Variants in KCNQ1 observed in about 807,000 individuals in gnomAD.
The protein encoded by KCNQ1 is potassium voltage-gated channel subfamily Q member 1, also known as potassium voltage-gated channel subfamily KQT member 1.
In KCNQ1, 49 loss-of-function variants were observed where a neutral mutation model predicts 72.4. The observed-to-expected ratio is 0.68, with a 90% CI of 0.54 to 0.86. The LOEUF (loss-of-function observed/expected upper bound fraction) is 0.86. Ranked by LOEUF, KCNQ1 falls within the 40% of genes least tolerant of loss-of-function variation. The pLI is 0.00. For synonymous variants in KCNQ1, 450 were observed against 412.6 expected (o/e 1.09, Z -1.10); for missense variants, 790 against 945.1 (o/e 0.84, Z 2.15).
Position 2,782,343 on chromosome 11 carries a change from A to G in KCNQ1, c.1794+4306A>G, listed in dbSNP as rs1458136915. Among the ~76,000 whole-genome samples the G allele has an allele frequency of 6.6e-6, 1 of 152,186 alleles. No homozygotes were observed. The highest frequency in any genetic ancestry group is 1.5e-5 in the Non-Finnish European group (1 of 68,032). On this transcript the variant is annotated intron_variant, in intron 15 of 15. Transcript: ENST00000155840. The surrounding 1 kb of genome is among the most constrained non-coding windows in gnomAD (Gnocchi z 6.1). Reference sequence around the variant, plus strand: ...AACACTGCTGAAATCTCACTTACTAATATTTAATATATCAGAATTTTTGTG... The same window carrying G: ...AACACTGCTGAAATCTCACTTACTAGTATTTAATATATCAGAATTTTTGTG...
Position 2,621,029 on chromosome 11 carries a change from G to C in KCNQ1, c.1393+32175G>C, listed in dbSNP as rs774281702. The C allele has an allele frequency of 2.5e-6, 1 of 397,118 alleles. No individual in the cohort carries two copies. Among genetic ancestry groups the C allele is most frequent in the Non-Finnish European group, 4.4e-6 (1 of 225,842 alleles). The allele number at this position is 397,118 out of a possible 1,614,324, so 24.6% of individuals were successfully genotyped here. A position where few individuals can be genotyped will look rare whatever the true frequency, so the allele number is the denominator to read the frequency against. ...GTCTTGCTCTGTCTCCCAGGCTGGA[G>C]TGCAGTGGCGCAATCTCGGCTCACT... is the stretch of plus-strand genomic sequence containing the variant. On this transcript the variant is annotated intron_variant, in intron 10 of 15. Transcript: ENST00000155840. The surrounding 1 kb of genome is among the most constrained non-coding windows in gnomAD (Gnocchi z 5.7).
In KCNQ1 at chr11:2,674,831, TTAAA is replaced by T; in HGVS notation, c.1514+12751_1514+12754del. ...GGCTTGTCACCCTAATAGCTGTTTTTTAAAAAAAAAAAAAAAAAAAAAAAAAAAA... is the reference window on the plus strand; with the variant it reads ...GGCTTGTCACCCTAATAGCTGTTTTTAAAAAAAAAAAAAAAAAAAAAAAAA... On this transcript the variant is annotated intron_variant, in intron 11 of 15. Coordinates refer to ENST00000155840, the MANE Select transcript of KCNQ1 (RefSeq NM_000218.3). The surrounding 1 kb of genome is among the most constrained non-coding windows in gnomAD (Gnocchi z 5.9). The T allele has an allele frequency of 5.1e-4, 187 of 366,774 alleles. No homozygotes were observed. The highest frequency in any genetic ancestry group is 3.1e-3 in the East Asian group (82 of 26,216). The allele number at this position is 366,774 out of a possible 1,614,324, so 22.7% of individuals were successfully genotyped here.
intron 10 of KCNQ1, chr11:2,636,547 G>C (rs1364620474): frequency 6.6e-6 from 1 of 152,136 alleles, no homozygotes; most frequent in Non-Finnish European, 1.5e-5. Flanking sequence ...ACTTGATCAT[G>C]GTGGATAAGC....
At chr11:2,702,710 C>T (rs1850837728) in intron 11 of KCNQ1, among the ~76,000 whole-genome samples, 2 of 152,186 alleles carry the variant, frequency 1.3e-5, no homozygotes, top group South Asian at 4.1e-4. Flanking sequence ...AAATTCCCCG[C>T]CTGTGATATT....
rs1258949568 is a variant in KCNQ1, at chr11:2,827,709, G to T, written c.1795-20058G>T. On this transcript the variant is annotated intron_variant, in intron 15 of 15. Transcript: ENST00000155840. The surrounding 1 kb of genome is among the most constrained non-coding windows in gnomAD (Gnocchi z 6.7). Reference sequence around the variant, plus strand: ...TGCCAGAGGGAAAATTCCACATGTGGCTTGGAGGCCAGACCAGAAGGACTC... The same window carrying T: ...TGCCAGAGGGAAAATTCCACATGTGTCTTGGAGGCCAGACCAGAAGGACTC... Among the ~76,000 whole-genome samples, 1 of 152,186 alleles carries T rather than the reference G, an allele frequency of 6.6e-6. No homozygotes were observed. Among genetic ancestry groups the T allele is most frequent in the Non-Finnish European group, 1.5e-5 (1 of 68,024 alleles).
intron 7 of KCNQ1, 63 bp downstream of exon 7, chr11:2,583,608 C>A: frequency 9.0e-7 from 1 of 1,110,902 alleles, no homozygotes; most frequent in Non-Finnish European, 1.4e-6. Flanking sequence ...GGGGTGGCTG[C>A]ACGCCCCTCC....
intron 15 of KCNQ1, chr11:2,840,124 T>TAAAC (rs3987738): frequency 6.6e-6 from 1 of 151,668 alleles, no homozygotes; most frequent in African/African-American, 2.4e-5. Context: ...ACCAATAACA[T>TAAAC]AAACAATCAA....
At position 2,475,397 on chromosome 11, in the gene KCNQ1, A is replaced by G. The variant is rs1188107817; in HGVS notation, c.386+29913A>G. Among the ~76,000 whole-genome samples, 2 of 152,206 alleles carry G rather than the reference A, an allele frequency of 1.3e-5. No homozygotes were observed. Among genetic ancestry groups the G allele is most frequent in the Non-Finnish European group, 2.9e-5 (2 of 68,036 alleles). ...GTCTCTGCCTTTGGCTGTTGTGGCT[A>G]GAGGCTCCTTCCTGAAAGCCTGATA... On this transcript the variant is annotated intron_variant, in intron 1 of 15. Transcript: ENST00000155840. This position sits in a 1 kb window ranked among gnomAD's most constrained non-coding sequence, Gnocchi z 5.8.
chr11:2,472,711 C>T (rs1246919072), intron 1 of KCNQ1, among the ~76,000 whole-genome samples: 1 of 152,066 alleles, frequency 6.6e-6, no homozygotes, highest in African/African-American at 2.4e-5. Context: ...CCTGCTATGA[C>T]CTCAGTCAGC....
At chr11:2,572,690 G>A (rs1681694791) in intron 5 of KCNQ1, among the ~76,000 whole-genome samples, 156 bp from the exon 6 acceptor site, 1 of 152,262 alleles carries the variant, frequency 6.6e-6, no homozygotes, top group African/African-American at 2.4e-5. Context: ...GAGTTGTGAG[G>A]AGTGGGCTAT....
chr11:2,826,014 C>T lies in KCNQ1; in HGVS notation c.1795-21753C>T, dbSNP rs1271810564. 1.3e-5 allele frequency among the ~76,000 whole-genome samples: 2 copies of T among 152,194 alleles called. No homozygotes were observed. The highest frequency in any genetic ancestry group is 4.1e-4 in the South Asian group (2 of 4,828). Reference sequence around the variant, plus strand: ...CCTCTCCCCGAGGCCTCGTCCTCCCCGCCATCCTGGAAACGATTTTGTTGT... The same window carrying T: ...CCTCTCCCCGAGGCCTCGTCCTCCCTGCCATCCTGGAAACGATTTTGTTGT... On this transcript the variant is annotated intron_variant, in intron 15 of 15. Transcript: ENST00000155840. This position sits in a 1 kb window ranked among gnomAD's most constrained non-coding sequence, Gnocchi z 4.2.
Position 2,769,439 on chromosome 11 carries a change from C to T in KCNQ1, c.1590+520C>T, listed in dbSNP as rs897701296. 6.6e-6 allele frequency among the ~76,000 whole-genome samples: 1 copy of T among 152,128 alleles called. No individual in the cohort carries two copies. Among genetic ancestry groups the T allele is most frequent in the African/African-American group, 2.4e-5 (1 of 41,434 alleles). ...GCCCTGCTCTGTAAGAGGTGGGGTC[C>T]CCTTGGCCAGGTGAGGCTGGAGCTC... On this transcript the variant is annotated intron_variant, in intron 12 of 15. Coordinates refer to ENST00000155840, the MANE Select transcript of KCNQ1 (RefSeq NM_000218.3). The surrounding 1 kb of genome is among the most constrained non-coding windows in gnomAD (Gnocchi z 4.6).
chr11:2,821,837 C>T (rs1027820584), intron 15 of KCNQ1, among the ~76,000 whole-genome samples: 2 of 152,188 alleles, frequency 1.3e-5, no homozygotes, highest in South Asian at 2.1e-4. Flanking sequence ...GCTCTGCACA[C>T]CCCCACCCCA....
chr11:2,836,064 C>T (rs2134075448), intron 15 of KCNQ1, among the ~76,000 whole-genome samples: 1 of 151,708 alleles, frequency 6.6e-6, no homozygotes, highest in Admixed American at 6.6e-5. Context: ...CATGGGGTGC[C>T]CCGTGGCGTG....
At chr11:2,574,044 CGTTTATATATGCA>C (rs2133734953) in intron 6 of KCNQ1, among the ~76,000 whole-genome samples, 1 of 152,270 alleles carries the variant, frequency 6.6e-6, no homozygotes, top group East Asian at 1.9e-4. Flanking sequence ...TGAAAGTCGG[CGTTTATATATGCA>C]TGGAGCTCAA....
At chr11:2,829,891 G>T (rs942669163) in intron 15 of KCNQ1, among the ~76,000 whole-genome samples, 22 of 140,406 alleles carry the variant, frequency 1.6e-4, no homozygotes, top group African/African-American at 4.9e-4. Flanking sequence ...ATTTAAGAAG[G>T]AAGTGATGGT....
rs1848772868 is a variant in KCNQ1, at chr11:2,599,559, C to G, written c.1393+10705C>G. ...TCCAGGATGTATTAGTTTGCTAGGA[C>G]TGCCATAACAAAATACCACAGGCTG... is the stretch of plus-strand genomic sequence containing the variant. On this transcript the variant is annotated intron_variant, in intron 10 of 15. Coordinates refer to ENST00000155840, the MANE Select transcript of KCNQ1 (RefSeq NM_000218.3). The surrounding 1 kb of genome is among the most constrained non-coding windows in gnomAD (Gnocchi z 4.7). 6.6e-6 allele frequency among the ~76,000 whole-genome samples: 1 copy of G among 152,194 alleles called. No individual in the cohort carries two copies. Among genetic ancestry groups the G allele is most frequent in the African/African-American group, 2.4e-5 (1 of 41,444 alleles).
At chr11:2,580,965 T>C (rs1156822598) in intron 6 of KCNQ1, among the ~76,000 whole-genome samples, 1 of 152,172 alleles carries the variant, frequency 6.6e-6, no homozygotes, top group East Asian at 1.9e-4. Context: ...GAGCACTGCC[T>C]CAGGGCATTG....
chr11:2,566,435 C>T lies in KCNQ1; in HGVS notation c.478-4193C>T, dbSNP rs758928556. 1.3e-4 allele frequency among the ~76,000 whole-genome samples: 20 copies of T among 152,142 alleles called. No individual in the cohort carries two copies. The highest frequency in any genetic ancestry group is 1.0e-3 in the Admixed American group (16 of 15,290). On this transcript the variant is annotated intron_variant, in intron 2 of 15. Coordinates refer to ENST00000155840, the MANE Select transcript of KCNQ1 (RefSeq NM_000218.3). This position sits in a 1 kb window ranked among gnomAD's most constrained non-coding sequence, Gnocchi z 6.7. Reference sequence around the variant, plus strand: ...CGCCAGTCTTCCCTCCCCTAAGCTGCGGGTGACCTGACCTAGTTGAGCCTG... The same window carrying T: ...CGCCAGTCTTCCCTCCCCTAAGCTGTGGGTGACCTGACCTAGTTGAGCCTG...
Sources: gnomAD v4.1 joint callset for allele counts (sites outside exome capture counted in the v4.1 genomes callset) on GRCh38, gnomAD v4.1.1 for gene constraint, Gnocchi (gnomAD v3.1) non-coding constraint, MANE v1.5 for transcripts, NCBI Gene and HGNC (gene_info 2026-07-23, HGNC 2026-07-21) for gene names.